SHISA9: variants seen among roughly 807,000 people sequenced by gnomAD.
SHISA9 encodes shisa family member 9, also known as protein shisa-9.
Under a neutral mutation model 38.0 loss-of-function variants are expected in SHISA9, and 13 were observed. The ratio of observed to expected loss-of-function variants is 0.34; its 90% confidence interval spans 0.22 to 0.54. The LOEUF (loss-of-function observed/expected upper bound fraction) is 0.54. Among genes scored for constraint, SHISA9 ranks in the 20% least tolerant of loss-of-function variants. The pLI is 0.91. For synonymous variants in SHISA9, 275 were observed against 242.0 expected (o/e 1.14, Z -1.27); for missense variants, 538 against 575.8 (o/e 0.93, Z 0.67).
chr16:13,291,505 C>A, the SHISA9 span, among the ~76,000 whole-genome samples: 1 of 152,158 alleles, frequency 6.6e-6, no homozygotes, highest in Non-Finnish European at 1.5e-5. Context: ...TATGTATTGC[C>A]TCTTTTTCAT....
the SHISA9 span, among the ~76,000 whole-genome samples, chr16:13,370,929 T>C: frequency 1.3e-5 from 2 of 152,188 alleles, no homozygotes; most frequent in East Asian, 1.9e-4. Context: ...CTTTAAGTGA[T>C]AGGGTTGCTG....
At chr16:13,512,001 C>T in the SHISA9 span, among the ~76,000 whole-genome samples, 1 of 152,058 alleles carries the variant, frequency 6.6e-6, no homozygotes, top group Admixed American at 6.6e-5. Context: ...AAACACAGGG[C>T]ACTGGGGAGA....
the SHISA9 span, among the ~76,000 whole-genome samples, chr16:13,456,108 T>G: frequency 2.0e-5 from 3 of 152,334 alleles, no homozygotes; most frequent in African/African-American, 7.2e-5. Flanking sequence ...ATGTAAGGAC[T>G]GCTAAGAAGA....
intron 2 of SHISA9, among the ~76,000 whole-genome samples, chr16:13,157,912 T>A (rs1214451712): frequency 1.3e-5 from 2 of 152,198 alleles, no homozygotes; most frequent in South Asian, 4.1e-4. Flanking sequence ...GCTCCATTTG[T>A]TTGTTTTCAA....
the SHISA9 span, among the ~76,000 whole-genome samples, chr16:13,506,352 A>C: frequency 6.6e-6 from 1 of 152,168 alleles, no homozygotes; most frequent in African/African-American, 2.4e-5. Context: ...ATCCCAACAG[A>C]GGTGTGTGGG....
chr16:13,464,405 T>C, the SHISA9 span, among the ~76,000 whole-genome samples: 1 of 152,174 alleles, frequency 6.6e-6, no homozygotes, highest in Non-Finnish European at 1.5e-5. Context: ...GTCCAAAACT[T>C]ACAATCCTGA....
At chr16:13,322,892 A>C in the SHISA9 span, among the ~76,000 whole-genome samples, 2 of 152,246 alleles carry the variant, frequency 1.3e-5, no homozygotes, top group East Asian at 3.9e-4. Flanking sequence ...CCACCCAATA[A>C]AATCTAAGAG....
chr16:13,297,616 A>G, the SHISA9 span, among the ~76,000 whole-genome samples: 1,555 of 152,306 alleles, frequency 0.01, 17 homozygotes, highest in African/African-American at 0.034. Context: ...CTTAGGCGGG[A>G]AAAGATTTGA....
Position 13,196,731 on chromosome 16 carries a change from C to G in SHISA9, c.692-6663C>G, listed in dbSNP as rs1432961443. On this transcript the variant is annotated intron_variant, in intron 2 of 4. Coordinates refer to ENST00000558583, the MANE Select transcript of SHISA9 (RefSeq NM_001145204.3). ...ACTGGGTCTGGAGGATACAGGAACT[C>G]TCTGTACTATCTTTGCAGTACTTTT... is the stretch of plus-strand genomic sequence containing the variant. Among the ~76,000 whole-genome samples the G allele has an allele frequency of 2.0e-5, 3 of 152,186 alleles. No homozygotes were observed. The South Asian group carries it at 6.2e-4, about 31-fold the overall frequency.
chr16:13,314,206 T>TA, the SHISA9 span, among the ~76,000 whole-genome samples: 5 of 151,716 alleles, frequency 3.3e-5, no homozygotes, highest in East Asian at 1.9e-4. Context: ...TTATTTCATT[T>TA]TTTTTTATTT....
chr16:12,974,249 C>A (rs1172384593), intron 2 of SHISA9, among the ~76,000 whole-genome samples: 1 of 152,004 alleles, frequency 6.6e-6, no homozygotes, highest in Non-Finnish European at 1.5e-5. Flanking sequence ...CACTCCTTGG[C>A]CAGGAGAGGG....
chr16:13,048,482 C>A (rs917469518), intron 2 of SHISA9, among the ~76,000 whole-genome samples: 1 of 152,150 alleles, frequency 6.6e-6, no homozygotes, highest in African/African-American at 2.4e-5. Flanking sequence ...GGTGCAATGG[C>A]ATGATCTCTG....
chr16:13,482,288 C>G, the SHISA9 span, among the ~76,000 whole-genome samples: 922 of 152,354 alleles, frequency 6.1e-3, 7 homozygotes, highest in African/African-American at 0.021. Flanking sequence ...TGTCTTGCAG[C>G]CTTCTCCATA....
At chr16:12,956,540 A>G (rs1359422246) in intron 2 of SHISA9, among the ~76,000 whole-genome samples, 1 of 152,232 alleles carries the variant, frequency 6.6e-6, no homozygotes, top group Non-Finnish European at 1.5e-5. Context: ...ACTGCTATGC[A>G]GCCATAAAAA....
chr16:13,287,406 C>G, the SHISA9 span, among the ~76,000 whole-genome samples: 1 of 152,162 alleles, frequency 6.6e-6, no homozygotes, highest in South Asian at 2.1e-4. Flanking sequence ...AATGATAATA[C>G]TCTCCCAGAT....
chr16:13,523,823 C>T, the SHISA9 span, among the ~76,000 whole-genome samples: 237 of 152,296 alleles, frequency 1.6e-3, 2 homozygotes, highest in African/African-American at 5.6e-3. Context: ...GATGCACATC[C>T]AAACCATATC....
chr16:13,155,834 T>A (rs971742050), intron 2 of SHISA9, among the ~76,000 whole-genome samples: 1 of 152,014 alleles, frequency 6.6e-6, no homozygotes, highest in Non-Finnish European at 1.5e-5. Flanking sequence ...GTTCCCTGTA[T>A]AGTAACAAGA....
rs1241719637 is a variant in SHISA9, at chr16:13,238,141, T to TTCTC, written c.*2742_*2745dup. On this transcript the variant is annotated 3_prime_UTR_variant, in exon 5 of 5. Transcript: ENST00000558583. ...TCTCTCTCCATCTCTCTGTTTCTGTTTCTCTCTCTCTCTTAAAATGATATC... is the reference window on the plus strand; with the variant it reads ...TCTCTCTCCATCTCTCTGTTTCTGTTTCTCTCTCTCTCTCTCTTAAAATGATATC... 1 of 151,942 alleles carries TTCTC rather than the reference T, an allele frequency of 6.6e-6. No homozygotes were observed. The highest frequency in any genetic ancestry group is 1.5e-5 in the Non-Finnish European group (1 of 67,972). 9.4% of individuals were successfully genotyped at this position (151,942 alleles called of 1,614,324 possible). A position where few individuals can be genotyped will look rare whatever the true frequency, so the allele number is the denominator to read the frequency against.
chr16:13,200,609 C>CTGAAAGATAAT (rs373945598), intron 2 of SHISA9, among the ~76,000 whole-genome samples: 1 of 142,364 alleles, frequency 7.0e-6, no homozygotes, highest in African/African-American at 2.7e-5. Flanking sequence ...GGATCTTGGG[C>CTGAAAGATAAT]TCCAAGGTGT....
Sources: allele counts gnomAD v4.1 joint callset (sites outside exome capture counted in the v4.1 genomes callset), GRCh38; gene constraint gnomAD v4.1.1; transcripts MANE v1.5; gene names NCBI Gene and HGNC (gene_info 2026-07-23, HGNC 2026-07-21).